Variants in RFC3 observed in about 807,000 individuals in gnomAD.
RFC3 encodes the protein A1 38 kDa subunit.
In RFC3, 41 loss-of-function variants were observed where a neutral mutation model predicts 45.1. The ratio of observed to expected loss-of-function variants is 0.91; its 90% CI spans 0.71 to 1.18. The LOEUF (loss-of-function observed/expected upper bound fraction) is 1.18, where lower values mean the gene tolerates loss of function less well. Among genes scored for constraint, RFC3 ranks in the 50% most tolerant of loss-of-function variants. The pLI, the probability that RFC3 is intolerant of heterozygous loss-of-function variation, is 0.00. For missense variants in RFC3, 423 were observed against 428.1 expected, an observed-to-expected ratio of 0.99 and a Z score of 0.10; for synonymous variants, 149 against 144.0, an observed-to-expected ratio of 1.03 and a Z score of -0.25.
In RFC3 at chr13:33,821,391, A is replaced by T. The variant is rs3135555; in HGVS notation, c.225+122A>T. Reference sequence around the variant, plus strand: ...TGATTTAAATAAGAATTCCACAGGTAGTCTTGGGGCACAGGATTTGAGAGC... The same window carrying T: ...TGATTTAAATAAGAATTCCACAGGTTGTCTTGGGGCACAGGATTTGAGAGC... On this transcript the variant is annotated intron_variant, in intron 2 of 8. Coordinates refer to ENST00000380071, the MANE Select transcript of RFC3 (RefSeq NM_002915.4). 4,800 of 960,678 alleles carry T rather than the reference A, an allele frequency of 5.0e-3. 16 individuals carry two copies. Among genetic ancestry groups the T allele is most frequent in the Non-Finnish European group, 6.8e-3 (4,277 of 629,674 alleles). The allele number at this position is 960,678 out of a possible 1,614,324, so 59.5% of individuals were successfully genotyped here. A position where few individuals can be genotyped will look rare whatever the true frequency, so the allele number is the denominator to read the frequency against.
At chr13:33,885,961 C>G (rs1350257734) in intron 8 of RFC3, among the ~76,000 whole-genome samples, 1 of 151,930 alleles carries the variant, frequency 6.6e-6, no homozygotes, top group Non-Finnish European at 1.5e-5. Flanking sequence ...TAACTGCTGG[C>G]CAATGAGACA....
At chr13:33,882,573 A>G (rs1411320555) in intron 8 of RFC3, among the ~76,000 whole-genome samples, 1 of 152,220 alleles carries the variant, frequency 6.6e-6, no homozygotes, top group African/African-American at 2.4e-5. Flanking sequence ...CTGCCGTGTG[A>G]GGATACAAAC....
At chr13:33,949,788 T>A (rs1393204088) in intron 8 of RFC3, among the ~76,000 whole-genome samples, 1 of 152,202 alleles carries the variant, frequency 6.6e-6, no homozygotes. Flanking sequence ...GGGTTGAGCC[T>A]CATCCAATAA....
chr13:33,841,257 CTG>C, downstream of RFC3, among the ~76,000 whole-genome samples: 1 of 152,342 alleles, frequency 6.6e-6, no homozygotes. Context: ...TTCCACAAAA[CTG>C]GTCCCTGGTG....
chr13:33,943,137 A>G lies in RFC3; in HGVS notation c.880-22950A>G, dbSNP rs572963581. On this transcript the variant is annotated intron_variant, in intron 8 of 8. Coordinates refer to the RFC3 transcript ENST00000434425. ...ATGACATTTCATAATTTACTTTAGC[A>G]TTCATTTTTCATTGATGGGCAGGGA... Among the ~76,000 whole-genome samples, 6 of 152,314 alleles carry G rather than the reference A, an allele frequency of 3.9e-5. No homozygotes were observed. In the South Asian group the frequency reaches 8.3e-4, roughly 21 times the overall value.
rs1369614950 is a variant in RFC3 at position 33,825,893 on chromosome 13, G to A, written c.391+7G>A. On this transcript the variant is annotated splice_region_variant and intron_variant, in intron 4 of 8. Coordinates refer to ENST00000380071, the MANE Select transcript of RFC3 (RefSeq NM_002915.4). ...TCTCAAAGGGATTTTAAAGGTAGGT[G>A]ATCAAAAGACTTCTTTTTATGAAGC... The A allele has an allele frequency of 6.3e-7, 1 of 1,579,070 alleles. No individual in the cohort carries two copies. Among genetic ancestry groups the A allele is most frequent in the Non-Finnish European group, 8.7e-7 (1 of 1,155,652 alleles).
chr13:33,868,615 G>T (rs933638587), intron 8 of RFC3, among the ~76,000 whole-genome samples: 1 of 152,168 alleles, frequency 6.6e-6, no homozygotes, highest in Non-Finnish European at 1.5e-5. Context: ...TACATAGAGT[G>T]TAACTAAGTA....
chr13:33,876,080 T>A (rs1410624026), intron 8 of RFC3, among the ~76,000 whole-genome samples: 2 of 152,246 alleles, frequency 1.3e-5, no homozygotes, highest in Non-Finnish European at 2.9e-5. Context: ...GCTTCTCCTA[T>A]TGTATCCAAA....
intron 8 of RFC3, among the ~76,000 whole-genome samples, chr13:33,855,314 T>C (rs540462012): frequency 1.5e-3 from 233 of 152,286 alleles, no homozygotes; most frequent in Non-Finnish European, 2.9e-3. Context: ...GGATTTTTTT[T>C]CCCACAAAAA....
At chr13:33,937,928 A>G (rs2082897512) in intron 8 of RFC3, among the ~76,000 whole-genome samples, 1 of 152,102 alleles carries the variant, frequency 6.6e-6, no homozygotes, top group African/African-American at 2.4e-5. Flanking sequence ...CTGTACAGTC[A>G]GAGGGGTGGC....
At chr13:33,865,480 G>GAAT (rs1362786162) in intron 8 of RFC3, among the ~76,000 whole-genome samples, 3 of 53,306 alleles carry the variant, frequency 5.6e-5, no homozygotes, top group Non-Finnish European at 2.8e-4. Flanking sequence ...CATAAGAAAA[G>GAAT]AGTAACAGGA....
At chr13:33,890,030 T>C (rs1359794582) in intron 8 of RFC3, among the ~76,000 whole-genome samples, 1 of 152,188 alleles carries the variant, frequency 6.6e-6, no homozygotes, top group Non-Finnish European at 1.5e-5. Context: ...TCATGGACCC[T>C]ATATATTTTA....
At chr13:33,866,789 A>C (rs968565322) in intron 8 of RFC3, among the ~76,000 whole-genome samples, 17 of 152,208 alleles carry the variant, frequency 1.1e-4, no homozygotes, top group African/African-American at 3.6e-4. Flanking sequence ...GCTCTAATCT[A>C]GACTAATTTC....
chr13:33,972,843 A>T, the RFC3 span, among the ~76,000 whole-genome samples: 1 of 152,190 alleles, frequency 6.6e-6, no homozygotes, highest in South Asian at 2.1e-4. Flanking sequence ...ATAATATGAC[A>T]TTGTCGTAGG....
At chr13:33,951,414 G>A (rs1013710189) in intron 8 of RFC3, among the ~76,000 whole-genome samples, 23 of 151,938 alleles carry the variant, frequency 1.5e-4, no homozygotes, top group Admixed American at 2.6e-4. Context: ...TGTATTTTCA[G>A]TAGAGACGGG....
the RFC3 span, among the ~76,000 whole-genome samples, chr13:33,974,426 T>C: frequency 2.6e-5 from 4 of 152,192 alleles, no homozygotes; most frequent in Non-Finnish European, 5.9e-5. Context: ...ACTGCTGTTT[T>C]CTCTGCTGCT....
intron 4 of RFC3, among the ~76,000 whole-genome samples, chr13:33,826,851 C>G (rs111614314): frequency 2.6e-5 from 4 of 151,992 alleles, no homozygotes; most frequent in African/African-American, 9.7e-5. Flanking sequence ...GGCCAACCCT[C>G]CAATAGTGTG....
At chr13:33,928,986 A>C (rs1487243087) in intron 8 of RFC3, among the ~76,000 whole-genome samples, 1 of 152,220 alleles carries the variant, frequency 6.6e-6, no homozygotes, top group Non-Finnish European at 1.5e-5. Context: ...AAAGTTTCAA[A>C]ATCTATTTGG....
At chr13:33,859,329 C>T (rs1340566312) in intron 8 of RFC3, among the ~76,000 whole-genome samples, 1 of 152,124 alleles carries the variant, frequency 6.6e-6, no homozygotes, top group African/African-American at 2.4e-5. Flanking sequence ...TGGTTAATAA[C>T]AAACCAACCC....
Sources: gnomAD v4.1 joint callset for allele counts (sites outside exome capture counted in the v4.1 genomes callset) on GRCh38, gnomAD v4.1.1 for gene constraint, MANE v1.5 for transcripts, NCBI Gene and HGNC (gene_info 2026-07-23, HGNC 2026-07-21) for gene names.